AFAP1L2: variants seen among roughly 807,000 people sequenced by gnomAD.
The protein encoded by AFAP1L2 is actin filament-associated protein 1-like 2.
Under a neutral mutation model 99.3 loss-of-function variants are expected in AFAP1L2, and 46 were observed. The observed-to-expected ratio is 0.46, with a 90% CI of 0.37 to 0.59. The LOEUF is 0.59. AFAP1L2 is among the 20% of genes least tolerant of loss of function. The probability of loss-of-function intolerance (pLI) is 0.00; values close to 1 mark genes in which losing one functional copy is unlikely to be tolerated. For missense variants in AFAP1L2, 959 were observed against 1,034.9 expected (o/e 0.93, Z 1.01); for synonymous variants, 397 against 419.1 (o/e 0.95, Z 0.64).
At chr10:114,302,662 A>G (rs902807753) in intron 11 of AFAP1L2, among the ~76,000 whole-genome samples, 178 bp from the exon 12 acceptor site, 1 of 152,022 alleles carries the variant, frequency 6.6e-6, no homozygotes, top group African/African-American at 2.4e-5. Flanking sequence ...GTGGCCCCAG[A>G]TAATATTTCC....
intron 10 of AFAP1L2, among the ~76,000 whole-genome samples, chr10:114,305,702 G>C (rs2042181447): frequency 8.8e-6 from 1 of 113,416 alleles, no homozygotes; most frequent in Admixed American, 9.1e-5. Context: ...GGAGGGAGCG[G>C]GGCTGGAGGG....
chr10:114,345,694 A>G (rs2049445719), intron 1 of AFAP1L2, among the ~76,000 whole-genome samples: 2 of 152,216 alleles, frequency 1.3e-5, no homozygotes, highest in Admixed American at 1.3e-4. Flanking sequence ...TCTGCCATCC[A>G]TCCGTTGGCT....
intron 1 of AFAP1L2, among the ~76,000 whole-genome samples, chr10:114,342,161 A>C (rs11196705): frequency 0.6 from 90,718 of 152,066 alleles, 32,727 homozygotes; most frequent in East Asian, 0.85. Context: ...CTATGAGGAG[A>C]CTGCCTTTCT....
Position 114,304,925 on chromosome 10 carries a change from G to A in AFAP1L2, c.1078C>T (p.Leu360=). Residue 360 remains leucine, a synonymous_variant, in exon 11 of 19, where the codon CTG becomes TTG. Transcript: ENST00000304129. ...CACTGGCTGTTCACCAGCACGTTCAGGTAACCTGCAGGAGGAAGTGCAGAT... is the reference window on the plus strand; with the variant it reads ...CACTGGCTGTTCACCAGCACGTTCAAGTAACCTGCAGGAGGAAGTGCAGAT... ...VERSLETSSY[L]NVLVNSQWKS... The A allele has an allele frequency of 6.2e-7, 1 of 1,612,850 alleles. No individual in the cohort carries two copies. Among genetic ancestry groups the A allele is most frequent in the Non-Finnish European group, 8.5e-7 (1 of 1,179,908 alleles).
At chr10:114,367,499 G>A (rs2053450292) in intron 1 of AFAP1L2, among the ~76,000 whole-genome samples, 1 of 152,170 alleles carries the variant, frequency 6.6e-6, no homozygotes, top group African/African-American at 2.4e-5. Context: ...AATACAGGAT[G>A]TGGTCGTGGG....
chr10:114,340,010 CA>C lies in AFAP1L2; in HGVS notation c.145+592del, dbSNP rs3061677. ...TGGGCAACAGAGCAAGACCCCGTCT[CA>C]AAAAAAAAAAAAAAGAGAGAGAGAG... On this transcript the variant is annotated intron_variant, in intron 2 of 18. Transcript: ENST00000304129. Among the ~76,000 whole-genome samples the C allele has an allele frequency of 1.9e-3, 224 of 117,758 alleles. 1 individual carries two copies. The highest frequency in any genetic ancestry group is 5.9e-3 in the African/African-American group (172 of 29,062). 77.3% of individuals were successfully genotyped at this position (117,758 alleles called of 152,430 possible). A position where few individuals can be genotyped will look rare whatever the true frequency, so the allele number is the denominator to read the frequency against.
downstream of AFAP1L2, chr10:114,291,260 G>A (rs1168087279): frequency 1.3e-6 from 2 of 1,549,146 alleles, no homozygotes; most frequent in East Asian, 2.4e-5. Context: ...CCGTGCAGGA[G>A]GGCAGCAGCC....
chr10:114,286,079 G>A, the AFAP1L2 span: 2 of 1,614,018 alleles, frequency 1.2e-6, no homozygotes, highest in African/African-American at 1.3e-5. Context: ...GGACTCTCGG[G>A]CCCGAGTGGG....
At chr10:114,312,665 C>A (rs1002321743) in intron 7 of AFAP1L2, among the ~76,000 whole-genome samples, 1 of 152,184 alleles carries the variant, frequency 6.6e-6, no homozygotes, top group African/African-American at 2.4e-5. Flanking sequence ...AACTCAGAGC[C>A]CTGGCTCTTA....
At chr10:114,373,157 C>T (rs190893008) in intron 1 of AFAP1L2, among the ~76,000 whole-genome samples, 2 of 152,294 alleles carry the variant, frequency 1.3e-5, no homozygotes, top group African/African-American at 2.4e-5. Flanking sequence ...GTGGGAAGAT[C>T]GCTTGAGCCC....
At chr10:114,326,668 T>C (rs1477807524) in intron 4 of AFAP1L2, among the ~76,000 whole-genome samples, 2 of 151,730 alleles carry the variant, frequency 1.3e-5, no homozygotes. Context: ...AGGAGTGGAG[T>C]CCGATCTCCA....
At chr10:114,331,148 G>A (rs539919390) in intron 4 of AFAP1L2, among the ~76,000 whole-genome samples, 5 of 152,170 alleles carry the variant, frequency 3.3e-5, no homozygotes, top group South Asian at 2.1e-4. Flanking sequence ...GCTAAGGAAC[G>A]GGATTTTTTT....
Position 114,324,017 on chromosome 10 carries a change from C to A in AFAP1L2, c.316-756G>T, listed in dbSNP as rs546383223. Among the ~76,000 whole-genome samples, 5 of 152,240 alleles carry A rather than the reference C, an allele frequency of 3.3e-5. No homozygotes were observed. The East Asian group carries it at 9.7e-4, about 29-fold the overall frequency. On this transcript the variant is annotated intron_variant, in intron 4 of 18. Coordinates refer to ENST00000304129, the MANE Select transcript of AFAP1L2 (RefSeq NM_001001936.3). ...TATGTGGGATGAGGTTGAACGTGTG[C>A]AATTTGAGAATAAAAAACACCTGCA... is the stretch of plus-strand genomic sequence containing the variant.
At chr10:114,366,923 C>T (rs1026163630) in intron 1 of AFAP1L2, among the ~76,000 whole-genome samples, 12 of 152,142 alleles carry the variant, frequency 7.9e-5, no homozygotes, top group African/African-American at 2.7e-4. Flanking sequence ...GTTGAGATCA[C>T]GACACTGCAC....
chr10:114,302,344 A>G lies in AFAP1L2; in HGVS notation c.1425T>C (p.Ser475=), dbSNP rs151016068. 75 of 1,614,088 alleles carry G rather than the reference A, an allele frequency of 4.6e-5. No homozygotes were observed. Among genetic ancestry groups the G allele is most frequent in the African/African-American group, 4.5e-4 (34 of 75,010 alleles). Residue 475 remains serine (S), a synonymous_variant, in exon 12 of 19, where the codon TCT becomes TCC. Transcript: ENST00000304129. ...GAAGGGTCCAAATTACTCACAAGAG[A>G]GAGTTTTTGGCCGCACTCACAATAC... ...VSCIVSAAKN[S]LLLMQRKFSE...
intron 4 of AFAP1L2, among the ~76,000 whole-genome samples, chr10:114,330,676 A>G (rs528876910): frequency 1.7e-4 from 26 of 152,344 alleles, no homozygotes; most frequent in African/African-American, 6.0e-4. Flanking sequence ...TCAAAGAGCT[A>G]GTGGCATGCA....
At chr10:114,346,827 G>A (rs559359441) in intron 1 of AFAP1L2, among the ~76,000 whole-genome samples, 14 of 152,296 alleles carry the variant, frequency 9.2e-5, no homozygotes, top group East Asian at 5.8e-4. Flanking sequence ...AGGGCTGGGC[G>A]GTTCAACTGC....
chr10:114,400,355 C>T (rs1052699919), intron 1 of AFAP1L2, among the ~76,000 whole-genome samples: 3 of 152,140 alleles, frequency 2.0e-5, no homozygotes, highest in African/African-American at 7.2e-5. Context: ...CAAAAGTGAC[C>T]TCTCAGTATT....
intron 1 of AFAP1L2, among the ~76,000 whole-genome samples, chr10:114,366,738 C>T (rs1296753992): frequency 6.6e-6 from 1 of 152,142 alleles, no homozygotes; most frequent in Non-Finnish European, 1.5e-5. Context: ...GAGGCCAAGG[C>T]GGTCAGATCA....
Sources: gnomAD v4.1 joint callset for allele counts (sites outside exome capture counted in the v4.1 genomes callset) on GRCh38, gnomAD v4.1.1 for gene constraint, MANE v1.5 for transcripts, NCBI Gene and HGNC (gene_info 2026-07-23, HGNC 2026-07-21) for gene names.